Variants in PRMT8 observed in about 807,000 individuals in gnomAD.
PRMT8 encodes protein arginine methyltransferase 8.
Under a neutral mutation model 47.1 loss-of-function variants are expected in PRMT8, and 7 were observed. The ratio of observed to expected loss-of-function variants is 0.15; its 90% CI spans 0.08 to 0.28. PRMT8 has a LOEUF of 0.28. Ranked by LOEUF, PRMT8 falls within the 10% of genes least tolerant of loss-of-function variation. The probability of loss-of-function intolerance (pLI) is 1.00; values close to 1 mark genes in which losing one functional copy is unlikely to be tolerated. For synonymous variants in PRMT8, 188 were observed against 186.5 expected (o/e 1.01, Z -0.07); for missense variants, 237 against 505.4 (o/e 0.47, Z 5.09).
At chr12:3,558,942 T>TTATCTATCTATCTACC (rs1866577061) in intron 4 of PRMT8, among the ~76,000 whole-genome samples, 1 of 126,618 alleles carries the variant, frequency 7.9e-6, no homozygotes, top group African/African-American at 3.5e-5. Context: ...AAACTAACAT[T>TTATCTATCTATCTACC]TATCTGTCTA....
rs1286789626 is a variant in PRMT8, at chr12:3,564,120, G to T, written c.482-4586G>T. ...CGCAGGTGCAAGGCAGCCAGCATGG[G>T]TGTCACCAAAATAGGTGTATGAGCA... On this transcript the variant is annotated intron_variant, in intron 4 of 9. Transcript: ENST00000382622. This position sits in a 1 kb window ranked among gnomAD's most constrained non-coding sequence, Gnocchi z 4.0. Among the ~76,000 whole-genome samples, 2 of 152,200 alleles carry T rather than the reference G, an allele frequency of 1.3e-5. No homozygotes were observed. Among genetic ancestry groups the T allele is most frequent in the Non-Finnish European group, 2.9e-5 (2 of 68,044 alleles).
chr12:3,573,683 A>G (rs1402441415), intron 6 of PRMT8, among the ~76,000 whole-genome samples: 1 of 152,134 alleles, frequency 6.6e-6, no homozygotes, highest in Non-Finnish European at 1.5e-5. Context: ...TTAATAGTAG[A>G]TTTGGGCTTT....
chr12:3,506,600 C>T (rs1235541643), intron 1 of PRMT8, among the ~76,000 whole-genome samples: 1 of 152,190 alleles, frequency 6.6e-6, no homozygotes, highest in Non-Finnish European at 1.5e-5. Flanking sequence ...CAGGCTCACT[C>T]CCAGCTTTGG....
chr12:3,416,138 C>T (rs542075988), intron 1 of PRMT8, among the ~76,000 whole-genome samples: 1 of 152,328 alleles, frequency 6.6e-6, no homozygotes, highest in East Asian at 1.9e-4. Context: ...TAGGTCTCCT[C>T]GCTCCACGGG....
intron 2 of PRMT8, 118 bp downstream of exon 2, chr12:3,540,909 T>C: frequency 8.3e-7 from 1 of 1,199,220 alleles, no homozygotes; most frequent in East Asian, 2.4e-5. Flanking sequence ...CTCCCAGTGT[T>C]CCTGAGTCCT....
At chr12:3,513,168 G>A (rs61907690) in intron 1 of PRMT8, among the ~76,000 whole-genome samples, 2,960 of 152,256 alleles carry the variant, frequency 0.019, 44 homozygotes, top group Non-Finnish European at 0.031. Context: ...CTGGAAAAGC[G>A]GCGGAATCTG....
chr12:3,449,243 G>A (rs1864892706), intron 1 of PRMT8, among the ~76,000 whole-genome samples: 1 of 152,116 alleles, frequency 6.6e-6, no homozygotes, highest in Admixed American at 6.5e-5. Context: ...ATTCCTTTGG[G>A]TATATACCCA....
intron 2 of PRMT8, among the ~76,000 whole-genome samples, chr12:3,542,447 T>C (rs1866247740): frequency 1.3e-5 from 2 of 152,210 alleles, no homozygotes; most frequent in Non-Finnish European, 2.9e-5. Flanking sequence ...TGTGAGAGGC[T>C]CTTGGGGGCA....
chr12:3,510,004 G>A (rs1217869919), intron 1 of PRMT8, among the ~76,000 whole-genome samples: 2 of 152,254 alleles, frequency 1.3e-5, no homozygotes, highest in African/African-American at 4.8e-5. Context: ...CAGAGAGACT[G>A]TAGGGAGCCC....
At chr12:3,484,420 C>G (rs1252687628) in intron 1 of PRMT8, among the ~76,000 whole-genome samples, 1 of 152,256 alleles carries the variant, frequency 6.6e-6, no homozygotes, top group East Asian at 1.9e-4. Context: ...TAGTAGTGCA[C>G]AGGCACGCTG....
At chr12:3,556,835 G>A (rs892772246) in intron 4 of PRMT8, among the ~76,000 whole-genome samples, 1 of 151,846 alleles carries the variant, frequency 6.6e-6, no homozygotes, top group African/African-American at 2.4e-5. Flanking sequence ...CAGTGGAGGG[G>A]TGGTCTTTGC....
chr12:3,446,415 C>A (rs1259645405), intron 1 of PRMT8, among the ~76,000 whole-genome samples: 1 of 152,142 alleles, frequency 6.6e-6, no homozygotes, highest in Non-Finnish European at 1.5e-5. Flanking sequence ...CGGCCCCCAG[C>A]CTGACTGCCT....
In PRMT8 at chr12:3,593,554, A is replaced by G. The variant is rs1433848157; in HGVS notation, c.*372A>G. ...GTGTCTAGGACAGATTGCTTCCACT[A>G]GAACCTGGAGACATAGCATCTTTGA... On this transcript the variant is annotated 3_prime_UTR_variant, in exon 10 of 10. Transcript: ENST00000382622. The surrounding 1 kb of genome is among the most constrained non-coding windows in gnomAD (Gnocchi z 4.8). 2 of 264,368 alleles carry G rather than the reference A, an allele frequency of 7.6e-6. No homozygotes were observed. The highest frequency in any genetic ancestry group is 1.2e-4 in the East Asian group (1 of 8,076). 16.4% of individuals were successfully genotyped at this position (264,368 alleles called of 1,614,324 possible). A position where few individuals can be genotyped will look rare whatever the true frequency, so the allele number is the denominator to read the frequency against.
upstream of PRMT8, among the ~76,000 whole-genome samples, chr12:3,488,859 G>A (rs1005582684): frequency 6.6e-6 from 1 of 152,228 alleles, no homozygotes; most frequent in Non-Finnish European, 1.5e-5. Context: ...TCATCTCTTG[G>A]TGTATAACAA....
At chr12:3,407,739 C>G (rs1454786158) in intron 1 of PRMT8, among the ~76,000 whole-genome samples, 1 of 152,180 alleles carries the variant, frequency 6.6e-6, no homozygotes, top group African/African-American at 2.4e-5. Context: ...TCTTCTGGAA[C>G]TCCCATCATG....
intron 1 of PRMT8, among the ~76,000 whole-genome samples, chr12:3,424,486 C>T (rs1591545615): frequency 6.6e-6 from 1 of 152,094 alleles, no homozygotes; most frequent in Non-Finnish European, 1.5e-5. Flanking sequence ...GAGCCATATC[C>T]CCTTCCTAAC....
At chr12:3,559,701 C>T (rs1314530969) in intron 4 of PRMT8, among the ~76,000 whole-genome samples, 1 of 152,196 alleles carries the variant, frequency 6.6e-6, no homozygotes, top group Non-Finnish European at 1.5e-5. Flanking sequence ...CCCATTGTCA[C>T]CACCTCCTGC....
rs550279714 is a variant in PRMT8 at position 3,439,996 on chromosome 12, CT to C, written c.48+58555del. 1.1e-3 allele frequency among the ~76,000 whole-genome samples: 173 copies of C among 152,328 alleles called. 1 individual carries two copies. The highest frequency in any genetic ancestry group is 3.8e-3 in the African/African-American group (159 of 41,564). On this transcript the variant is annotated intron_variant, in intron 1 of 9. Coordinates refer to the PRMT8 transcript ENST00000452611. The stretch of plus-strand genomic sequence containing the variant: ...TTAGGACCTCGGGCTCCAATCCTGA[CT>C]GTAATCTTTAATTACGGGAACTGGA...
intron 1 of PRMT8, among the ~76,000 whole-genome samples, chr12:3,525,596 T>C (rs1429320438): frequency 6.6e-6 from 1 of 152,250 alleles, no homozygotes; most frequent in Non-Finnish European, 1.5e-5. Flanking sequence ...TATTGGAATA[T>C]GCTTTCCCCC....
Sources: allele counts gnomAD v4.1 joint callset (sites outside exome capture counted in the v4.1 genomes callset), GRCh38; gene constraint gnomAD v4.1.1; non-coding constraint Gnocchi (gnomAD v3.1); transcripts MANE v1.5; gene names NCBI Gene and HGNC (gene_info 2026-07-23, HGNC 2026-07-21).